SLC35E3: variants seen among roughly 807,000 people sequenced by gnomAD.
SLC35E3 encodes bladder cancer-overexpressed gene 1 protein.
Under a neutral mutation model 30.8 loss-of-function variants are expected in SLC35E3, and 28 were observed. The ratio of observed to expected loss-of-function variants is 0.91; its 90% CI spans 0.67 to 1.25. The LOEUF is 1.25. Among genes scored for constraint, SLC35E3 ranks in the 50% most tolerant of loss-of-function variants. The pLI, the probability that SLC35E3 is intolerant of heterozygous loss-of-function variation, is 0.00. For synonymous variants in SLC35E3, 146 were observed against 149.2 expected, an observed-to-expected ratio of 0.98 and a Z score of 0.16; for missense variants, 365 against 375.4, an observed-to-expected ratio of 0.97 and a Z score of 0.23.
rs963893229 is a variant in SLC35E3 at position 68,759,322 on chromosome 12, C to T, written c.755+83C>T. The T allele has an allele frequency of 1.5e-5, 15 of 971,630 alleles. No individual in the cohort carries two copies. The East Asian group carries it at 1.7e-4, about 11-fold the overall frequency. The allele number at this position is 971,630 out of a possible 1,614,324, so 60.2% of individuals were successfully genotyped here. A position where few individuals can be genotyped will look rare whatever the true frequency, so the allele number is the denominator to read the frequency against. On this transcript the variant is annotated intron_variant, in intron 4 of 4. Transcript: ENST00000398004. The stretch of plus-strand genomic sequence containing the variant: ...CATTCATTACCTTATTTGAATCTCA[C>T]ACTAACTATTGCATGGCCTAAATTG...
At position 68,747,943 on chromosome 12, in the gene SLC35E3, T is replaced by C. The variant is rs1337469589; in HGVS notation, c.416T>C (p.Leu139Ser). 2.5e-6 allele frequency: 4 copies of C among 1,573,412 alleles called. No homozygotes were observed. The highest frequency in any genetic ancestry group is 3.5e-6 in the Non-Finnish European group (4 of 1,144,596). The change falls in exon 2 of 5, where the codon TTA becomes TCA. Residue 139 changes from leucine to serine, a missense_variant. Transcript: ENST00000398004. ...TTTTCGTTACAGATTCCTATAACTT[T>C]AGGTGTAATCCTAAATTCTTATTAC... ...RIQLTLIPITLGVILNSYYDV... is the reference protein window; with the variant it reads ...RIQLTLIPITSGVILNSYYDV...
At chr12:68,762,522 A>T (rs1056144033) in intron 4 of SLC35E3, among the ~76,000 whole-genome samples, 3 of 152,122 alleles carry the variant, frequency 2.0e-5, no homozygotes, top group African/African-American at 7.2e-5. Flanking sequence ...TTCTGCCTGG[A>T]GTAAAGTGGG....
In SLC35E3 at chr12:68,767,490, C is replaced by T. The variant is rs149382442; in HGVS notation, c.*2600C>T. The T allele has an allele frequency of 2.5e-3, 363 of 144,000 alleles. 1 individual carries two copies. The highest frequency in any genetic ancestry group is 9.2e-3 in the African/African-American group (355 of 38,730). The allele number at this position is 144,000 out of a possible 1,614,324, so 8.9% of individuals were successfully genotyped here. ...CGAGATCATGCCACTGCACTTCAGC[C>T]TGGGCGACAGACTGGACTCTGTCTC... On this transcript the variant is annotated 3_prime_UTR_variant, in exon 5 of 5. Transcript: ENST00000398004.
intron 4 of SLC35E3, among the ~76,000 whole-genome samples, chr12:68,762,915 G>C (rs1879272008): frequency 6.6e-6 from 1 of 152,192 alleles, no homozygotes; most frequent in Non-Finnish European, 1.5e-5. Flanking sequence ...TGGGCTTGGA[G>C]GTCAGACAGG....
rs921306652 is a variant in SLC35E3, at chr12:68,771,559, C to T, written c.*6669C>T. The T allele has an allele frequency of 2.6e-5, 4 of 152,234 alleles. No individual in the cohort carries two copies. The highest frequency in any genetic ancestry group is 5.9e-5 in the Non-Finnish European group (4 of 68,076). 9.4% of individuals were successfully genotyped at this position (152,234 alleles called of 1,614,324 possible). A position where few individuals can be genotyped will look rare whatever the true frequency, so the allele number is the denominator to read the frequency against. On this transcript the variant is annotated 3_prime_UTR_variant, in exon 5 of 5. Coordinates refer to ENST00000398004, the MANE Select transcript of SLC35E3 (RefSeq NM_018656.5). Reference sequence around the variant, plus strand: ...ATGGGCCGGGCACTGTGGCTTATGCCTGTAATCCCAACATTTTTGAGAGGC... The same window carrying T: ...ATGGGCCGGGCACTGTGGCTTATGCTTGTAATCCCAACATTTTTGAGAGGC...
Position 68,767,650 on chromosome 12 carries a change from G to A in SLC35E3, c.*2760G>A, listed in dbSNP as rs776965924. Reference sequence around the variant, plus strand: ...TATAATATACCTTTGGGGTTTTTAGGATTTTTTTTTCCTGGACTCTGAAAT... The same window carrying A: ...TATAATATACCTTTGGGGTTTTTAGAATTTTTTTTTCCTGGACTCTGAAAT... On this transcript the variant is annotated 3_prime_UTR_variant, in exon 5 of 5. Transcript: ENST00000398004. 4.0e-5 allele frequency: 6 copies of A among 151,746 alleles called. No individual in the cohort carries two copies. The highest frequency in any genetic ancestry group is 8.8e-5 in the Non-Finnish European group (6 of 67,932). 9.4% of individuals were successfully genotyped at this position (151,746 alleles called of 1,614,324 possible).
chr12:68,756,698 TAAAAAC>T (rs1879018460), intron 3 of SLC35E3, among the ~76,000 whole-genome samples: 1 of 151,958 alleles, frequency 6.6e-6, no homozygotes, highest in Admixed American at 6.6e-5. Flanking sequence ...TAAACAGAAT[TAAAAAC>T]AAAAATCACA....
rs141438023 is a variant in SLC35E3, at chr12:68,768,541, C to G, written c.*3651C>G. The G allele has an allele frequency of 3.3e-5, 5 of 152,370 alleles. No homozygotes were observed. The highest frequency in any genetic ancestry group is 5.9e-5 in the Non-Finnish European group (4 of 68,040). The allele number at this position is 152,370 out of a possible 1,614,324, so 9.4% of individuals were successfully genotyped here. The stretch of plus-strand genomic sequence containing the variant: ...CAGATACTAGGACCAAGCACGGAGA[C>G]AAACCAGATACAGTGCTTTCAAAGA... On this transcript the variant is annotated 3_prime_UTR_variant, in exon 5 of 5. Transcript: ENST00000398004.
At chr12:68,756,772 C>T (rs1391631793) in intron 3 of SLC35E3, among the ~76,000 whole-genome samples, 2 of 152,148 alleles carry the variant, frequency 1.3e-5, no homozygotes, top group Non-Finnish European at 2.9e-5. Flanking sequence ...GAGGTCAGGG[C>T]GGGCGGATCA....
At position 68,776,420 on chromosome 12, in the gene SLC35E3, G is replaced by A. The variant is rs1176715389; in HGVS notation, c.*11530G>A. 1 of 151,732 alleles carries A rather than the reference G, an allele frequency of 6.6e-6. No homozygotes were observed. The highest frequency in any genetic ancestry group is 1.9e-4 in the East Asian group (1 of 5,196). The allele number at this position is 151,732 out of a possible 1,614,324, so 9.4% of individuals were successfully genotyped here. ...GCTACTCACTCAGGAGGCTGAGGCA[G>A]GAAACTCACATGAACCCTGGAGACG... is the stretch of plus-strand genomic sequence containing the variant. On this transcript the variant is annotated 3_prime_UTR_variant, in exon 5 of 5. Coordinates refer to ENST00000398004, the MANE Select transcript of SLC35E3 (RefSeq NM_018656.5).
At position 68,768,732 on chromosome 12, in the gene SLC35E3, T is replaced by C; in HGVS notation, c.*3842T>C. 1 of 152,242 alleles carries C rather than the reference T, an allele frequency of 6.6e-6. No individual in the cohort carries two copies. The highest frequency in any genetic ancestry group is 1.9e-4 in the East Asian group (1 of 5,198). 9.4% of individuals were successfully genotyped at this position (152,242 alleles called of 1,614,324 possible). A position where few individuals can be genotyped will look rare whatever the true frequency, so the allele number is the denominator to read the frequency against. On this transcript the variant is annotated 3_prime_UTR_variant, in exon 5 of 5. Coordinates refer to ENST00000398004, the MANE Select transcript of SLC35E3 (RefSeq NM_018656.5). The stretch of plus-strand genomic sequence containing the variant: ...AGAAGGATGGCATCTGTGTAACATA[T>C]GCATGGTAACGCTGACGTGTTCAGC...
intron 2 of SLC35E3, 78 bp from the exon 3 acceptor site, chr12:68,751,954 G>A (rs1328895295): frequency 7.3e-7 from 1 of 1,369,010 alleles, no homozygotes; most frequent in Middle Eastern, 1.9e-4. Flanking sequence ...TCCCATCTTT[G>A]TGACTCTAGT....
chr12:68,760,621 C>T (rs989289862), intron 4 of SLC35E3, among the ~76,000 whole-genome samples: 2 of 152,124 alleles, frequency 1.3e-5, no homozygotes, highest in Non-Finnish European at 2.9e-5. Flanking sequence ...TCATACTACC[C>T]AATCAAGGCA....
At chr12:68,755,181 T>A (rs1001201558) in intron 3 of SLC35E3, among the ~76,000 whole-genome samples, 1 of 152,178 alleles carries the variant, frequency 6.6e-6, no homozygotes, top group African/African-American at 2.4e-5. Flanking sequence ...TCTGCCCTTA[T>A]GCCATAGTCA....
Position 68,767,474 on chromosome 12 carries a change from G to T in SLC35E3, c.*2584G>T, listed in dbSNP as rs1334344216. 6.9e-6 allele frequency: 1 copy of T among 145,236 alleles called. No homozygotes were observed. Among genetic ancestry groups the T allele is most frequent in the Non-Finnish European group, 1.5e-5 (1 of 67,292 alleles). 9.0% of individuals were successfully genotyped at this position (145,236 alleles called of 1,614,324 possible). A position where few individuals can be genotyped will look rare whatever the true frequency, so the allele number is the denominator to read the frequency against. Reference sequence around the variant, plus strand: ...GCAGGTTGCAGTGAGCCGAGATCATGCCACTGCACTTCAGCCTGGGCGACA... The same window carrying T: ...GCAGGTTGCAGTGAGCCGAGATCATTCCACTGCACTTCAGCCTGGGCGACA... On this transcript the variant is annotated 3_prime_UTR_variant, in exon 5 of 5. Coordinates refer to ENST00000398004, the MANE Select transcript of SLC35E3 (RefSeq NM_018656.5).
chr12:68,754,219 A>G (rs1381415342), intron 3 of SLC35E3, among the ~76,000 whole-genome samples: 2 of 152,086 alleles, frequency 1.3e-5, no homozygotes, highest in Non-Finnish European at 2.9e-5. Context: ...ACTTAATAAT[A>G]TCTCCTAAAA....
chr12:68,765,607 T>TGC lies in SLC35E3; in HGVS notation c.*717_*718insGC, dbSNP rs1879374736. ...GTCTCTCTCTCTCTCTCCATATATA[T>TGC]ATGTGTGTGTGTGTATATATATATA... On this transcript the variant is annotated 3_prime_UTR_variant, in exon 5 of 5. Transcript: ENST00000398004. The TGC allele has an allele frequency of 8.1e-6, 1 of 123,470 alleles. No individual in the cohort carries two copies. The highest frequency in any genetic ancestry group is 1.7e-5 in the Non-Finnish European group (1 of 59,928). 7.6% of individuals were successfully genotyped at this position (123,470 alleles called of 1,614,324 possible). A position where few individuals can be genotyped will look rare whatever the true frequency, so the allele number is the denominator to read the frequency against.
chr12:68,749,014 G>A (rs1199852324), intron 2 of SLC35E3, among the ~76,000 whole-genome samples: 1 of 152,238 alleles, frequency 6.6e-6, no homozygotes, highest in Non-Finnish European at 1.5e-5. Flanking sequence ...GAAGAGGCTA[G>A]TGAACATTCC....
At chr12:68,764,581 C>G (rs1879320408) in intron 4 of SLC35E3, 123 bp from the exon 5 acceptor site, 1 of 819,314 alleles carries the variant, frequency 1.2e-6, no homozygotes, top group African/African-American at 1.7e-5. Flanking sequence ...ATCCACCACG[C>G]CTGGTCCCAT....
Sources: allele counts gnomAD v4.1 joint callset (sites outside exome capture counted in the v4.1 genomes callset), GRCh38; gene constraint gnomAD v4.1.1; transcripts MANE v1.5; gene names NCBI Gene and HGNC (gene_info 2026-07-23, HGNC 2026-07-21).